The following HIVEP3 variants were observed in gnomAD, a reference collection of about 807,000 sequenced individuals.
HIVEP3 encodes the protein transcription factor HIVEP3.
Under a neutral mutation model 152.8 loss-of-function variants are expected in HIVEP3, and 49 were observed. The observed-to-expected ratio is 0.32, with a 90% confidence interval of 0.26 to 0.41. The LOEUF (loss-of-function observed/expected upper bound fraction) is 0.41, where lower values mean the gene tolerates loss of function less well. Among genes scored for constraint, HIVEP3 ranks in the 10% least tolerant of loss-of-function variants. HIVEP3 has a pLI of 1.00. For synonymous variants in HIVEP3, 1,269 were observed against 1,289.0 expected, an observed-to-expected ratio of 0.98 and a Z score of 0.33; for missense variants, 2,790 against 3,103.3, an observed-to-expected ratio of 0.90 and a Z score of 2.40.
intron 1 of HIVEP3, among the ~76,000 whole-genome samples, chr1:41,798,784 T>C (rs1650130428): frequency 6.6e-6 from 1 of 152,220 alleles, no homozygotes; most frequent in Admixed American, 6.5e-5. Flanking sequence ...CAGCATTTTG[T>C]CATAGAGCTC....
At chr1:41,758,888 C>T (rs993624408) in intron 1 of HIVEP3, among the ~76,000 whole-genome samples, 5 of 152,196 alleles carry the variant, frequency 3.3e-5, no homozygotes, top group African/African-American at 1.2e-4. Flanking sequence ...ACTGCTCCCC[C>T]ATAGTGTACT....
chr1:41,583,567 C>A lies in HIVEP3; in HGVS notation c.1231G>T (p.Ala411Ser). ...AAGATGATCTCAGCGTAGGACTTGG[C>A]GTTGGTGTTTGGGGGGCTGACCTGC... Reference protein sequence around the residue: ...EQQVSPPNTNAKSYAEIIFGK... With the variant: ...EQQVSPPNTNSKSYAEIIFGK... Residue 411 changes from alanine (A) to serine (S), a missense_variant, in exon 4 of 9, where the codon GCC becomes TCC. Transcript: ENST00000372583. This position sits in a 1 kb window ranked among gnomAD's most constrained non-coding sequence, Gnocchi z 6.9. The A allele has an allele frequency of 6.2e-7, 1 of 1,614,020 alleles. No individual in the cohort carries two copies. The highest frequency in any genetic ancestry group is 8.5e-7 in the Non-Finnish European group (1 of 1,180,002).
intron 1 of HIVEP3, among the ~76,000 whole-genome samples, chr1:41,856,460 C>T (rs755350683): frequency 6.6e-6 from 1 of 152,170 alleles, no homozygotes; most frequent in Non-Finnish European, 1.5e-5. Flanking sequence ...AAGCCTATGG[C>T]CCTGTGAACT....
intron 1 of HIVEP3, among the ~76,000 whole-genome samples, chr1:41,824,131 T>C (rs1183258258): frequency 6.6e-6 from 1 of 152,140 alleles, no homozygotes; most frequent in Non-Finnish European, 1.5e-5. Context: ...GCATATCATA[T>C]TCCCATTTCA....
At chr1:41,845,310 A>C (rs1172287028) in intron 1 of HIVEP3, among the ~76,000 whole-genome samples, 3 of 152,042 alleles carry the variant, frequency 2.0e-5, no homozygotes, top group Non-Finnish European at 4.4e-5. Context: ...CTGACACATA[A>C]TAGGTGCTCA....
chr1:41,925,833 T>C (rs901288815), intron 1 of HIVEP3, among the ~76,000 whole-genome samples: 6 of 152,180 alleles, frequency 3.9e-5, no homozygotes, highest in Non-Finnish European at 7.4e-5. Context: ...AGTAATAAAA[T>C]TCTTAGCTAG....
chr1:41,833,682 T>A (rs936167220), intron 1 of HIVEP3, among the ~76,000 whole-genome samples: 1 of 152,140 alleles, frequency 6.6e-6, no homozygotes, highest in African/African-American at 2.4e-5. Context: ...TCCTGAACTC[T>A]GCTGGCATCA....
intron 1 of HIVEP3, among the ~76,000 whole-genome samples, chr1:41,980,167 T>C (rs1209306624): frequency 6.6e-6 from 1 of 152,194 alleles, no homozygotes; most frequent in Non-Finnish European, 1.5e-5. Context: ...CTTAAAACGT[T>C]AAACATAAAA....
intron 3 of HIVEP3, among the ~76,000 whole-genome samples, chr1:41,620,628 G>A (rs952416420): frequency 3.3e-5 from 5 of 152,028 alleles, no homozygotes; most frequent in East Asian, 3.9e-4. Context: ...CACCCAGCAC[G>A]CCCCAATCCT....
At chr1:41,827,509 C>T (rs974093211) in intron 1 of HIVEP3, among the ~76,000 whole-genome samples, 7 of 148,126 alleles carry the variant, frequency 4.7e-5, no homozygotes, top group African/African-American at 9.8e-5. Context: ...TGAGGCACTG[C>T]TGGGGAGGGG....
chr1:41,909,897 T>A (rs1376239704), intron 1 of HIVEP3, among the ~76,000 whole-genome samples: 1 of 152,102 alleles, frequency 6.6e-6, no homozygotes, highest in African/African-American at 2.4e-5. Context: ...AATTATAAAG[T>A]ACTCAGAACC....
intron 6 of HIVEP3, among the ~76,000 whole-genome samples, chr1:41,522,265 C>G (rs1369303573): frequency 6.6e-6 from 1 of 152,252 alleles, no homozygotes; most frequent in Non-Finnish European, 1.5e-5. Flanking sequence ...CTCCAGCGCC[C>G]TGCTCTCCCT....
intron 3 of HIVEP3, among the ~76,000 whole-genome samples, chr1:41,590,550 C>T (rs1644572628): frequency 1.3e-5 from 2 of 152,184 alleles, no homozygotes; most frequent in Non-Finnish European, 2.9e-5. Flanking sequence ...AACAGTGGGA[C>T]AAGAAGACAA....
chr1:41,511,088 A>T lies in HIVEP3; in HGVS notation c.6584T>A (p.Ile2195Asn). The change falls in exon 9 of 9, where the codon ATT (isoleucine) becomes AAT (asparagine). Residue 2195 changes from isoleucine (I) to asparagine (N), a missense_variant. Ile to Asn is a moderately radical substitution (Grantham distance 149). Transcript: ENST00000372583. The surrounding 1 kb of genome is among the most constrained non-coding windows in gnomAD (Gnocchi z 4.9). Reference sequence around the variant, plus strand: ...CACCATCTGGATCCCACCGATGGGAATCAAGGGACATGGGGCACGGGTCAA... The same window carrying T: ...CACCATCTGGATCCCACCGATGGGATTCAAGGGACATGGGGCACGGGTCAA... ...QHLTRAPCPL[I>N]PIGGIQMVQA... 2.5e-6 allele frequency: 4 copies of T among 1,614,122 alleles called. No individual in the cohort carries two copies. The highest frequency in any genetic ancestry group is 3.4e-6 in the Non-Finnish European group (4 of 1,180,008).
rs1009493155 is a variant in HIVEP3 at position 41,662,320 on chromosome 1, G to A, written c.-720-33373C>T. On this transcript the variant is annotated intron_variant, in intron 2 of 8. Coordinates refer to ENST00000372583, the MANE Select transcript of HIVEP3 (RefSeq NM_024503.5). This position sits in a 1 kb window ranked among gnomAD's most constrained non-coding sequence, Gnocchi z 7.2. Reference sequence around the variant, plus strand: ...GCCCACGCGGCGCGGGGTGGGCGCGGGGCGGGCTGGCGGGCGGGCGCCGGC... The same window carrying A: ...GCCCACGCGGCGCGGGGTGGGCGCGAGGCGGGCTGGCGGGCGGGCGCCGGC... 3 of 145,804 alleles carry A rather than the reference G, an allele frequency of 2.1e-5. No homozygotes were observed. The highest frequency in any genetic ancestry group is 7.4e-5 in the African/African-American group (3 of 40,766). 9.0% of individuals were successfully genotyped at this position (145,804 alleles called of 1,614,324 possible). A position where few individuals can be genotyped will look rare whatever the true frequency, so the allele number is the denominator to read the frequency against.
At chr1:41,792,279 C>G (rs1237438226) in intron 1 of HIVEP3, among the ~76,000 whole-genome samples, 1 of 152,220 alleles carries the variant, frequency 6.6e-6, no homozygotes, top group African/African-American at 2.4e-5. Flanking sequence ...AGGGGCAGGG[C>G]TATGTCCTTG....
At chr1:41,608,165 T>A (rs1201229855) in intron 3 of HIVEP3, among the ~76,000 whole-genome samples, 1 of 152,066 alleles carries the variant, frequency 6.6e-6, no homozygotes, top group Non-Finnish European at 1.5e-5. Flanking sequence ...ACCAGTTCAG[T>A]CTTGAATGTG....
intron 1 of HIVEP3, among the ~76,000 whole-genome samples, chr1:41,763,828 G>A (rs188914047): frequency 4.3e-4 from 65 of 152,312 alleles, no homozygotes; most frequent in Non-Finnish European, 7.1e-4. Context: ...AGAGGTGAAG[G>A]TTAAATGCTG....
intron 5 of HIVEP3, among the ~76,000 whole-genome samples, chr1:41,557,423 G>T (rs1261944084): frequency 6.6e-6 from 1 of 152,218 alleles, no homozygotes; most frequent in East Asian, 1.9e-4. Context: ...GGAGGGAGAT[G>T]AGGGCAGTTT....
Sources: gnomAD v4.1 joint callset for allele counts (sites outside exome capture counted in the v4.1 genomes callset) on GRCh38, gnomAD v4.1.1 for gene constraint, Gnocchi (gnomAD v3.1) non-coding constraint, MANE v1.5 for transcripts, NCBI Gene and HGNC (gene_info 2026-07-23, HGNC 2026-07-21) for gene names.